Variants in EFCAB6 observed in about 807,000 individuals in gnomAD.
EFCAB6 encodes the protein EF-hand calcium binding domain 6, also known as EF-hand calcium-binding domain-containing protein 6.
In EFCAB6, 156 loss-of-function variants were observed where a neutral mutation model predicts 169.8. The ratio of observed to expected loss-of-function variants is 0.92; its 90% CI spans 0.81 to 1.05. The LOEUF is 1.05. Ranked by LOEUF, EFCAB6 falls within the 50% of genes least tolerant of loss-of-function variation. The probability of loss-of-function intolerance (pLI) is 0.00; values close to 1 mark genes in which losing one functional copy is unlikely to be tolerated. For missense variants in EFCAB6, 1,800 were observed against 1,829.1 expected (o/e 0.98, Z 0.29); for synonymous variants, 698 against 676.4 (o/e 1.03, Z -0.50).
chr22:43,726,706 A>C (rs777071680), intron 8 of EFCAB6, among the ~76,000 whole-genome samples: 1 of 152,228 alleles, frequency 6.6e-6, no homozygotes, highest in Non-Finnish European at 1.5e-5. Context: ...GGGGATCTCC[A>C]ACATCTGTGA....
chr22:43,683,558 A>T (rs2071716), intron 12 of EFCAB6, 189 bp downstream of exon 12: 245,559 of 571,600 alleles, frequency 0.43, 54,621 homozygotes, highest in African/African-American at 0.52. Context: ...TCCCAACTAG[A>T]CTCAACCCTT....
chr22:43,541,391 TA>T (rs1210334663), intron 27 of EFCAB6, among the ~76,000 whole-genome samples: 1 of 152,200 alleles, frequency 6.6e-6, no homozygotes, highest in African/African-American at 2.4e-5. Flanking sequence ...TTTTACTTTT[TA>T]TTTAGAAATA....
chr22:43,755,637 G>T, intron 6 of EFCAB6, 129 bp downstream of exon 6: 1 of 823,116 alleles, frequency 1.2e-6, no homozygotes, highest in Non-Finnish European at 1.9e-6. Context: ...GATCTATTTA[G>T]TCAGACAACT....
At chr22:43,693,780 A>T (rs1247637746) in intron 10 of EFCAB6, among the ~76,000 whole-genome samples, 2 of 152,004 alleles carry the variant, frequency 1.3e-5, no homozygotes, top group East Asian at 3.8e-4. Context: ...TAATGAAGAA[A>T]TATTATAAAT....
intron 24 of EFCAB6, among the ~76,000 whole-genome samples, chr22:43,586,494 C>A (rs1265163151): frequency 6.6e-6 from 1 of 151,620 alleles, no homozygotes; most frequent in African/African-American, 2.4e-5. Flanking sequence ...TAATATTCTC[C>A]CCTTACAAAG....
intron 4 of EFCAB6, among the ~76,000 whole-genome samples, chr22:43,765,935 C>G (rs2061313574): frequency 6.6e-6 from 1 of 152,156 alleles, no homozygotes; most frequent in South Asian, 2.1e-4. Flanking sequence ...GATAGGTGCA[C>G]TGTGATTATG....
Position 43,528,971 on chromosome 22 carries a change from A to G in EFCAB6, c.4388T>C (p.Leu1463Pro). The G allele has an allele frequency of 6.3e-7, 1 of 1,576,748 alleles. No homozygotes were observed. Among genetic ancestry groups the G allele is most frequent in the Non-Finnish European group, 8.7e-7 (1 of 1,150,668 alleles). Reference protein sequence around the residue: ...LLSVADFRTVLRQYSINLSEE... With the variant: ...LLSVADFRTVPRQYSINLSEE... Reference sequence around the variant, plus strand: ...AGAGAGGTTGATGCTGTACTGTCTCAGGACCTGGAAGACAGAGAAAAGGGG... The same window carrying G: ...AGAGAGGTTGATGCTGTACTGTCTCGGGACCTGGAAGACAGAGAAAAGGGG... The change falls in exon 32 of 32, where the codon CTG becomes CCG. Residue 1463 changes from leucine (L) to proline (P), a missense_variant. Transcript: ENST00000262726.
chr22:43,786,496 C>A (rs1196937050), intron 2 of EFCAB6, among the ~76,000 whole-genome samples: 2 of 151,974 alleles, frequency 1.3e-5, no homozygotes, highest in Admixed American at 1.3e-4. Context: ...CCAAGGCAGG[C>A]AGATCACGAG....
chr22:43,530,938 A>C lies in EFCAB6; in HGVS notation c.4260T>G (p.Ser1420=), dbSNP rs775990059. The C allele has an allele frequency of 1.2e-6, 2 of 1,614,208 alleles. No individual in the cohort carries two copies. Among genetic ancestry groups the C allele is most frequent in the Non-Finnish European group, 1.7e-6 (2 of 1,180,036 alleles). Residue 1420 remains serine (S), a synonymous_variant, in exon 31 of 32, where the codon TCT becomes TCG. Coordinates refer to ENST00000262726, the MANE Select transcript of EFCAB6 (RefSeq NM_022785.4). ...KMKEAGAETP[S]FYSALLRIQP... ...GAATACGCAGCAGAGCAGAGTAAAAAGATGGCGTCTCCGCGCCGGCTTCTT... is the reference window on the plus strand; with the variant it reads ...GAATACGCAGCAGAGCAGAGTAAAACGATGGCGTCTCCGCGCCGGCTTCTT...
intron 4 of EFCAB6, among the ~76,000 whole-genome samples, chr22:43,771,885 G>A (rs575599685): frequency 4.6e-5 from 7 of 152,140 alleles, no homozygotes; most frequent in South Asian, 2.1e-4. Context: ...CTTCACTTCC[G>A]ATAGAAGTCA....
chr22:43,569,046 G>A (rs11090623), intron 26 of EFCAB6, among the ~76,000 whole-genome samples: 29,625 of 152,172 alleles, frequency 0.19, 3,096 homozygotes, highest in Middle Eastern at 0.23. Context: ...TTTGGCGGCC[G>A]GCCCTGTGCT....
At chr22:43,706,023 A>C (rs771484615) in intron 10 of EFCAB6, among the ~76,000 whole-genome samples, 27 of 152,248 alleles carry the variant, frequency 1.8e-4, no homozygotes, top group Non-Finnish European at 3.5e-4. Context: ...AGGAGATATT[A>C]TAATTGATAC....
At chr22:43,620,248 G>T (rs989868261) in intron 20 of EFCAB6, among the ~76,000 whole-genome samples, 1 of 152,136 alleles carries the variant, frequency 6.6e-6, no homozygotes, top group Non-Finnish European at 1.5e-5. Flanking sequence ...GGTCAAGGCT[G>T]CAGTGAGCTG....
chr22:43,686,508 CTTTAAG>C (rs886787685), intron 11 of EFCAB6, among the ~76,000 whole-genome samples: 5 of 152,236 alleles, frequency 3.3e-5, no homozygotes, highest in East Asian at 1.9e-4. Flanking sequence ...GTAAATAAAA[CTTTAAG>C]TTTAATTCTG....
chr22:43,687,464 T>TTAAAA lies in EFCAB6; in HGVS notation c.1142+6_1142+7insTTTTA. 3.5e-6 allele frequency: 5 copies of TTAAAA among 1,422,210 alleles called. No homozygotes were observed. Among genetic ancestry groups the TTAAAA allele is most frequent in the Non-Finnish European group, 4.8e-6 (5 of 1,046,318 alleles). The allele number at this position is 1,422,210 out of a possible 1,614,324, so 88.1% of individuals were successfully genotyped here. A position where few individuals can be genotyped will look rare whatever the true frequency, so the allele number is the denominator to read the frequency against. ...TAAAATTTGTTTTTTTTTTTTTTTTTACATACCTATTTCTTTTTGTCAGGG... is the reference window on the plus strand; with the variant it reads ...TAAAATTTGTTTTTTTTTTTTTTTTTTAAAAACATACCTATTTCTTTTTGTCAGGG... On this transcript the variant is annotated splice_region_variant and intron_variant, in intron 11 of 31. Transcript: ENST00000262726.
At chr22:43,608,408 T>C in intron 22 of EFCAB6, 74 bp downstream of exon 22, 2 of 1,325,336 alleles carry the variant, frequency 1.5e-6, no homozygotes, top group Non-Finnish European at 2.1e-6. Flanking sequence ...GTAGGAAAGA[T>C]TAGGCTGAAT....
intron 26 of EFCAB6, among the ~76,000 whole-genome samples, chr22:43,570,505 T>C (rs1480046435): frequency 6.6e-6 from 1 of 152,168 alleles, no homozygotes; most frequent in Non-Finnish European, 1.5e-5. Context: ...AAAATGTTTT[T>C]CTAGAAGTGA....
intron 27 of EFCAB6, among the ~76,000 whole-genome samples, chr22:43,549,255 T>A (rs1022200543): frequency 6.6e-6 from 1 of 152,094 alleles, no homozygotes; most frequent in African/African-American, 2.4e-5. Flanking sequence ...AGAAAATTAA[T>A]ATCAACTAAA....
chr22:43,733,284 G>A (rs1481133155), intron 7 of EFCAB6, among the ~76,000 whole-genome samples: 6 of 152,194 alleles, frequency 3.9e-5, no homozygotes, highest in Non-Finnish European at 7.4e-5. Context: ...CCTCTCCAGC[G>A]TCACCACCTG....
Sources: gnomAD v4.1 joint callset for allele counts (sites outside exome capture counted in the v4.1 genomes callset) on GRCh38, gnomAD v4.1.1 for gene constraint, MANE v1.5 for transcripts, NCBI Gene and HGNC (gene_info 2026-07-23, HGNC 2026-07-21) for gene names.